VLDLR: variants seen among roughly 807,000 people sequenced by gnomAD.
VLDLR encodes the protein very low density lipoprotein receptor, also known as very low-density lipoprotein receptor.
A neutral mutation model predicts 112.7 loss-of-function variants in VLDLR; 81 were observed. The observed-to-expected ratio is 0.72, with a 90% confidence interval of 0.60 to 0.86. VLDLR has a LOEUF of 0.86. Ranked by LOEUF, VLDLR falls within the 40% of genes least tolerant of loss-of-function variation. The pLI is 0.00. For synonymous variants in VLDLR, 436 were observed against 384.8 expected, an observed-to-expected ratio of 1.13 and a Z score of -1.56; for missense variants, 1,237 against 1,099.4, an observed-to-expected ratio of 1.13 and a Z score of -1.77.
intron 4 of VLDLR, among the ~76,000 whole-genome samples, chr9:2,642,560 G>A (rs1029281979): frequency 4.6e-5 from 7 of 152,308 alleles, no homozygotes; most frequent in African/African-American, 1.7e-4. Context: ...GTACCAATTG[G>A]CTAGTAGGAC....
intron 2 of VLDLR, among the ~76,000 whole-genome samples, chr9:2,639,409 T>C (rs1468532374): frequency 6.6e-6 from 1 of 152,204 alleles, no homozygotes; most frequent in Non-Finnish European, 1.5e-5. Context: ...GGTTAGGATT[T>C]CCACACGTGA....
chr9:2,636,940 G>A (rs1162636730), intron 2 of VLDLR, among the ~76,000 whole-genome samples: 2 of 152,048 alleles, frequency 1.3e-5, no homozygotes, highest in Non-Finnish European at 2.9e-5. Flanking sequence ...TTTTTACCAT[G>A]TGACTCAGTA....
At chr9:2,622,994 C>G (rs546683930) in intron 1 of VLDLR, among the ~76,000 whole-genome samples, 4 of 152,264 alleles carry the variant, frequency 2.6e-5, no homozygotes, top group Admixed American at 6.5e-5. Flanking sequence ...TCGGGTCTCC[C>G]GTGTAGCTGA....
At position 2,631,723 on chromosome 9, in the gene VLDLR, G is replaced by A. The variant is rs184896088; in HGVS notation, c.83-3730G>A. On this transcript the variant is annotated intron_variant, in intron 1 of 18. Transcript: ENST00000382100. ...AAGAATACAAACCTACAGTAAGGTA[G>A]AAGAAATAACGTCAATGACTGTAGT... Among the ~76,000 whole-genome samples, 6 of 152,260 alleles carry A rather than the reference G, an allele frequency of 3.9e-5. No homozygotes were observed. In the East Asian group the frequency reaches 1.2e-3, roughly 29 times the overall value.
chr9:2,659,716 A>AT lies in VLDLR; in HGVS notation c.*5848_*5849insT, dbSNP rs1426153916. On this transcript the variant is annotated 3_prime_UTR_variant, in exon 19 of 19. Transcript: ENST00000382100. ...TGTAACTCAATGATGCTATAACTCC[A>AT]GCACTGGATCTTAAGTATTCTGGAA... 1 of 152,258 alleles carries AT rather than the reference A, an allele frequency of 6.6e-6. No homozygotes were observed. The highest frequency in any genetic ancestry group is 2.4e-5 in the African/African-American group (1 of 41,474). 9.4% of individuals were successfully genotyped at this position (152,258 alleles called of 1,614,324 possible). A position where few individuals can be genotyped will look rare whatever the true frequency, so the allele number is the denominator to read the frequency against.
rs1563739717 is a variant in VLDLR, at chr9:2,621,893, T to TC, written c.-293dup. ...CCCACCCCCTCTCCCTTCCCTCCTC[T>TC]CCCCTTGCCTCCCCTCCTCTGCAGC... On this transcript the variant is annotated 5_prime_UTR_variant, in exon 1 of 19. Coordinates refer to ENST00000382100, the MANE Select transcript of VLDLR (RefSeq NM_003383.5). The TC allele has an allele frequency of 1.7e-6, 1 of 597,626 alleles. No homozygotes were observed. Among genetic ancestry groups the TC allele is most frequent in the Admixed American group, 2.2e-5 (1 of 46,178 alleles). The allele number at this position is 597,626 out of a possible 1,614,324, so 37.0% of individuals were successfully genotyped here. A position where few individuals can be genotyped will look rare whatever the true frequency, so the allele number is the denominator to read the frequency against.
At chr9:2,629,983 T>G (rs7048281) in intron 1 of VLDLR, among the ~76,000 whole-genome samples, 15,034 of 152,184 alleles carry the variant, frequency 0.099, 878 homozygotes, top group African/African-American at 0.16. Flanking sequence ...TAGCAGACAC[T>G]GGGTTTCACC....
chr9:2,650,354 T>G lies in VLDLR; in HGVS notation c.2105-16T>G, dbSNP rs746343568. On this transcript the variant is annotated splice_polypyrimidine_tract_variant and intron_variant, in intron 14 of 18. Coordinates refer to ENST00000382100, the MANE Select transcript of VLDLR (RefSeq NM_003383.5). ...ACCGGAATACCCATTTTAATGGTAT[T>G]TTTTTTCCTGACTAGGTAAAAATTG... 2.5e-6 allele frequency: 4 copies of G among 1,613,884 alleles called. No homozygotes were observed. The East Asian group carries it at 8.9e-5, about 36-fold the overall frequency.
At position 2,654,230 on chromosome 9, in the gene VLDLR, C is replaced by T. The variant is rs1225686549; in HGVS notation, c.*362C>T. ...ATTGTATAGGCCATCTGTAAATATC[C>T]CAGAGAACAATCACTATTCTTAAGC... On this transcript the variant is annotated 3_prime_UTR_variant, in exon 19 of 19. Transcript: ENST00000382100. The T allele has an allele frequency of 4.5e-6, 1 of 223,590 alleles. No individual in the cohort carries two copies. The highest frequency in any genetic ancestry group is 9.0e-6 in the Non-Finnish European group (1 of 111,498). The allele number at this position is 223,590 out of a possible 1,614,324, so 13.9% of individuals were successfully genotyped here. A position where few individuals can be genotyped will look rare whatever the true frequency, so the allele number is the denominator to read the frequency against.
intron 4 of VLDLR, among the ~76,000 whole-genome samples, chr9:2,642,397 A>G (rs948730143): frequency 6.6e-6 from 1 of 152,142 alleles, no homozygotes; most frequent in East Asian, 1.9e-4. Context: ...TTAGTGTTCA[A>G]TCCTAGAATT....
chr9:2,659,394 G>A lies in VLDLR; in HGVS notation c.*5526G>A, dbSNP rs1818722175. 6.6e-6 allele frequency: 1 copy of A among 152,222 alleles called. No individual in the cohort carries two copies. Among genetic ancestry groups the A allele is most frequent in the Non-Finnish European group, 1.5e-5 (1 of 68,036 alleles). 9.4% of individuals were successfully genotyped at this position (152,222 alleles called of 1,614,324 possible). A position where few individuals can be genotyped will look rare whatever the true frequency, so the allele number is the denominator to read the frequency against. ...TGGCATCCAGTATGGTGGTGTAATG[G>A]AAGTGTACTACTAGCACTACTACAT... On this transcript the variant is annotated 3_prime_UTR_variant, in exon 19 of 19. Coordinates refer to ENST00000382100, the MANE Select transcript of VLDLR (RefSeq NM_003383.5).
intron 4 of VLDLR, 118 bp from the exon 5 acceptor site, chr9:2,643,042 A>C: frequency 6.7e-7 from 1 of 1,483,836 alleles, no homozygotes; most frequent in South Asian, 1.2e-5. Context: ...TGTAGCCTTT[A>C]AGTTGGGCTA....
intron 17 of VLDLR, among the ~76,000 whole-genome samples, 195 bp from the exon 18 acceptor site, chr9:2,652,585 T>C (rs996684430): frequency 1.3e-5 from 2 of 152,186 alleles, no homozygotes. Flanking sequence ...CCAGCTCCAG[T>C]GCACAGAGCT....
intron 2 of VLDLR, among the ~76,000 whole-genome samples, chr9:2,637,531 A>G (rs1016307783): frequency 2.0e-5 from 3 of 152,132 alleles, no homozygotes; most frequent in African/African-American, 7.2e-5. Flanking sequence ...CTCCCAGTCT[A>G]TGCTCCAAAT....
Position 2,659,136 on chromosome 9 carries a change from C to A in VLDLR, c.*5268C>A, listed in dbSNP as rs1241882669. 6.6e-6 allele frequency: 1 copy of A among 152,196 alleles called. No individual in the cohort carries two copies. Among genetic ancestry groups the A allele is most frequent in the African/African-American group, 2.4e-5 (1 of 41,454 alleles). 9.4% of individuals were successfully genotyped at this position (152,196 alleles called of 1,614,324 possible). A position where few individuals can be genotyped will look rare whatever the true frequency, so the allele number is the denominator to read the frequency against. On this transcript the variant is annotated 3_prime_UTR_variant, in exon 19 of 19. Coordinates refer to ENST00000382100, the MANE Select transcript of VLDLR (RefSeq NM_003383.5). ...TTGTACTAAGTAAGTGCTCCCAAGT[C>A]TTTTACTTGCTCTTCACAGCAACCC...
Position 2,648,781 on chromosome 9 carries a change from T to C in VLDLR, c.2075T>C (p.Ile692Thr), listed in dbSNP as rs745637519. 5.0e-6 allele frequency: 8 copies of C among 1,614,026 alleles called. No homozygotes were observed. The highest frequency in any genetic ancestry group is 5.9e-6 in the Non-Finnish European group (7 of 1,180,030). The stretch of plus-strand genomic sequence containing the variant: ...AACCTGAATGATGCCCAAGACATCA[T>C]TGTCTATCATGAACTTGTACAGCCA... ...VNNLNDAQDI[I>T]VYHELVQPSG... Residue 692 changes from isoleucine to threonine, a missense_variant, in exon 14 of 19, where the codon ATT (isoleucine) becomes ACT (threonine). By Grantham distance (89) the Ile-to-Thr change is moderately conservative. Transcript: ENST00000382100.
At position 2,622,175 on chromosome 9, in the gene VLDLR, A is replaced by C; in HGVS notation, c.-15A>C. 1 of 1,475,800 alleles carries C rather than the reference A, an allele frequency of 6.8e-7. No individual in the cohort carries two copies. Among genetic ancestry groups the C allele is most frequent in the Non-Finnish European group, 9.0e-7 (1 of 1,116,740 alleles). 91.4% of individuals were successfully genotyped at this position (1,475,800 alleles called of 1,614,324 possible). On this transcript the variant is annotated 5_prime_UTR_variant, in exon 1 of 19. Coordinates refer to ENST00000382100, the MANE Select transcript of VLDLR (RefSeq NM_003383.5). ...CGGCGGCGGCGGCGGCGGCGGCACCATCCAGGCGGGCACCATGGGCACGTC... is the reference window on the plus strand; with the variant it reads ...CGGCGGCGGCGGCGGCGGCGGCACCCTCCAGGCGGGCACCATGGGCACGTC...
At chr9:2,636,800 T>G (rs1324856978) in intron 2 of VLDLR, among the ~76,000 whole-genome samples, 1 of 152,214 alleles carries the variant, frequency 6.6e-6, no homozygotes. Flanking sequence ...CCTTAGAGAG[T>G]CCTCACTCTT....
intron 1 of VLDLR, among the ~76,000 whole-genome samples, chr9:2,623,902 G>C (rs1259713880): frequency 6.6e-6 from 1 of 152,208 alleles, no homozygotes; most frequent in African/African-American, 2.4e-5. Flanking sequence ...ATCATTAATA[G>C]ATGAGTAATA....
Sources: gnomAD v4.1 joint callset for allele counts (sites outside exome capture counted in the v4.1 genomes callset) on GRCh38, gnomAD v4.1.1 for gene constraint, MANE v1.5 for transcripts, NCBI Gene and HGNC (gene_info 2026-07-23, HGNC 2026-07-21) for gene names.